Variants in CCDC85C observed in about 807,000 individuals in gnomAD.
CCDC85C encodes coiled-coil domain-containing protein 85C.
A neutral mutation model predicts 38.3 loss-of-function variants in CCDC85C; 18 were observed. The observed-to-expected ratio is 0.47, with a 90% CI of 0.33 to 0.70. The LOEUF is 0.70. Ranked by LOEUF, CCDC85C falls within the 30% of genes least tolerant of loss-of-function variation. The pLI is 0.03. For synonymous variants in CCDC85C, 264 were observed against 293.8 expected, an observed-to-expected ratio of 0.90 and a Z score of 1.04; for missense variants, 566 against 621.2, an observed-to-expected ratio of 0.91 and a Z score of 0.94.
In CCDC85C at chr14:99,502,484, C is replaced by G; in HGVS notation, c.*12762G>C. 1.4e-6 allele frequency: 2 copies of G among 1,444,254 alleles called. No individual in the cohort carries two copies. Among genetic ancestry groups the G allele is most frequent in the Middle Eastern group, 2.1e-4 (1 of 4,776 alleles). The allele number at this position is 1,444,254 out of a possible 1,614,324, so 89.5% of individuals were successfully genotyped here. On this transcript the variant is annotated 3_prime_UTR_variant, in exon 6 of 6. Transcript: ENST00000380243. ...ATTTTCCCAGATAGACATATGTGAG[C>G]AATATTTCAGAAGCATCATTAATTA...
chr14:99,514,937 A>G lies in CCDC85C; in HGVS notation c.*309T>C. On this transcript the variant is annotated 3_prime_UTR_variant, in exon 6 of 6. Transcript: ENST00000380243. Reference sequence around the variant, plus strand: ...GACAGTTCCCAGGCTGGATCTCAGAAGCAGCCTGCAGCCTCTTGCTCATGG... The same window carrying G: ...GACAGTTCCCAGGCTGGATCTCAGAGGCAGCCTGCAGCCTCTTGCTCATGG... 3.5e-6 allele frequency: 1 copy of G among 288,228 alleles called. No individual in the cohort carries two copies. The highest frequency in any genetic ancestry group is 6.7e-6 in the Non-Finnish European group (1 of 149,034). 17.9% of individuals were successfully genotyped at this position (288,228 alleles called of 1,614,324 possible). A position where few individuals can be genotyped will look rare whatever the true frequency, so the allele number is the denominator to read the frequency against.
At chr14:99,517,826 G>T (rs1897250220) in intron 3 of CCDC85C, among the ~76,000 whole-genome samples, 2 of 152,244 alleles carry the variant, frequency 1.3e-5, no homozygotes, top group Non-Finnish European at 2.9e-5. Context: ...AAGGGTCCAT[G>T]TGGCTGGGAA....
Position 99,551,179 on chromosome 14 carries a change from G to A in CCDC85C, c.794-15091C>T, listed in dbSNP as rs575440896. ...GAGGAGATGCCCTCCCAGCCCTAAC[G>A]GAGTCCTGGGGTGGGGTGAGGGTCA... On this transcript the variant is annotated intron_variant, in intron 1 of 5. Coordinates refer to ENST00000380243, the MANE Select transcript of CCDC85C (RefSeq NM_001144995.2). Among the ~76,000 whole-genome samples, 9 of 152,302 alleles carry A rather than the reference G, an allele frequency of 5.9e-5. No homozygotes were observed. In the South Asian group the frequency reaches 1.7e-3, roughly 28 times the overall value.
Position 99,604,054 on chromosome 14 carries a change from G to A in CCDC85C, c.-95C>T, listed in dbSNP as rs2055245473. 1.0e-6 allele frequency: 1 copy of A among 975,420 alleles called. No homozygotes were observed. The highest frequency in any genetic ancestry group is 1.2e-6 in the Non-Finnish European group (1 of 824,692). 60.4% of individuals were successfully genotyped at this position (975,420 alleles called of 1,614,324 possible). On this transcript the variant is annotated 5_prime_UTR_variant, in exon 1 of 6. Transcript: ENST00000380243. ...TGGGCCGGTCCGCGCGCGGGCGGGGGGCGGCCGGGGGCGCGTGCGGCCCGC... is the reference window on the plus strand; with the variant it reads ...TGGGCCGGTCCGCGCGCGGGCGGGGAGCGGCCGGGGGCGCGTGCGGCCCGC...
At chr14:99,580,451 G>A (rs1447686922) in intron 1 of CCDC85C, among the ~76,000 whole-genome samples, 1 of 140,674 alleles carries the variant, frequency 7.1e-6, no homozygotes, top group African/African-American at 2.6e-5. Context: ...CTGGAGACAT[G>A]AGGGACGTCC....
At chr14:99,570,182 T>C (rs914956900) in intron 1 of CCDC85C, among the ~76,000 whole-genome samples, 5 of 152,046 alleles carry the variant, frequency 3.3e-5, no homozygotes, top group Admixed American at 6.6e-5. Flanking sequence ...CCAGCCCTCA[T>C]TGCAGCCCTG....
In CCDC85C at chr14:99,510,269, G is replaced by A. The variant is rs1197869346; in HGVS notation, c.*4977C>T. On this transcript the variant is annotated 3_prime_UTR_variant, in exon 6 of 6. Transcript: ENST00000380243. ...CCCCTCCGGCCCACCCGGCCCCTGT[G>A]CACCAGCCACCGCCGCTGCCACACC... 9 of 1,482,344 alleles carry A rather than the reference G, an allele frequency of 6.1e-6. No homozygotes were observed. In the South Asian group the frequency reaches 1.1e-4, roughly 18 times the overall value. 91.8% of individuals were successfully genotyped at this position (1,482,344 alleles called of 1,614,324 possible).
Position 99,516,210 on chromosome 14 carries a change from G to A in CCDC85C, c.1148C>T (p.Ala383Val). ...CACGTTGCACATCTCGCGAACGATG[G>A]CCTTCTCCTTCTCACTCAGGTCCTC... Reference protein sequence around the residue: ...CEEDLSEKEKAIVREMCNVVW... With the variant: ...CEEDLSEKEKVIVREMCNVVW... The change falls in exon 5 of 6, where the codon GCC becomes GTC. Residue 383 changes from alanine (A) to valine (V), a missense_variant. Around this residue, in one of 3 missense-constraint regions of CCDC85C, gnomAD observed 286 missense variants for 276.4 expected, o/e 1.03. Transcript: ENST00000380243. The surrounding 1 kb of genome is among the most constrained non-coding windows in gnomAD (Gnocchi z 5.5). The A allele has an allele frequency of 6.4e-7, 1 of 1,551,262 alleles. No individual in the cohort carries two copies. The highest frequency in any genetic ancestry group is 8.7e-7 in the Non-Finnish European group (1 of 1,146,922).
chr14:99,528,880 G>A (rs894529963), intron 2 of CCDC85C, among the ~76,000 whole-genome samples: 1 of 152,194 alleles, frequency 6.6e-6, no homozygotes, highest in Admixed American at 6.5e-5. Flanking sequence ...AAGAGCTAAT[G>A]CATGCTGGGC....
At position 99,510,062 on chromosome 14, in the gene CCDC85C, GCTC is replaced by G; in HGVS notation, c.*5181_*5183del. ...CAGAGGAGGCGGGCAGCTGCTCCCT[GCTC>G]CTCTGTAAAGATGGCCCTGAAGGGC... On this transcript the variant is annotated 3_prime_UTR_variant, in exon 6 of 6. Coordinates refer to ENST00000380243, the MANE Select transcript of CCDC85C (RefSeq NM_001144995.2). The G allele has an allele frequency of 7.8e-7, 1 of 1,281,628 alleles. No homozygotes were observed. Among genetic ancestry groups the G allele is most frequent in the East Asian group, 2.5e-5 (1 of 39,674 alleles). The allele number at this position is 1,281,628 out of a possible 1,614,324, so 79.4% of individuals were successfully genotyped here.
intron 1 of CCDC85C, among the ~76,000 whole-genome samples, chr14:99,571,807 G>A (rs1207833462): frequency 6.6e-6 from 1 of 152,184 alleles, no homozygotes; most frequent in Non-Finnish European, 1.5e-5. Context: ...TGCCCCCTGT[G>A]ACAAGAGCCT....
chr14:99,535,857 G>C lies in CCDC85C; in HGVS notation c.867+158C>G, dbSNP rs1022924072. Among the ~76,000 whole-genome samples, 16 of 152,274 alleles carry C rather than the reference G, an allele frequency of 1.1e-4. No individual in the cohort carries two copies. The highest frequency in any genetic ancestry group is 2.1e-4 in the Non-Finnish European group (14 of 68,016). On this transcript the variant is annotated intron_variant, in intron 2 of 5. Coordinates refer to ENST00000380243, the MANE Select transcript of CCDC85C (RefSeq NM_001144995.2). The surrounding 1 kb of genome is among the most constrained non-coding windows in gnomAD (Gnocchi z 5.5). Reference sequence around the variant, plus strand: ...GGAAGCCCAGAGGTGTGGGAGCCAGGGTTAGGTCCCTGACCCCACTTTCCA... The same window carrying C: ...GGAAGCCCAGAGGTGTGGGAGCCAGCGTTAGGTCCCTGACCCCACTTTCCA...
intron 1 of CCDC85C, among the ~76,000 whole-genome samples, chr14:99,593,338 G>A (rs1048511320): frequency 5.9e-5 from 9 of 152,212 alleles, no homozygotes; most frequent in Non-Finnish European, 2.9e-5. Context: ...GAAATGGGTC[G>A]ACTCTTCTCC....
At chr14:99,581,737 C>T (rs528728908) in intron 1 of CCDC85C, among the ~76,000 whole-genome samples, 10 of 152,288 alleles carry the variant, frequency 6.6e-5, no homozygotes, top group South Asian at 2.1e-4. Flanking sequence ...TGAAAGGCCA[C>T]GAAGCAGGAT....
intron 1 of CCDC85C, among the ~76,000 whole-genome samples, chr14:99,589,100 C>G (rs2055056884): frequency 6.6e-6 from 1 of 152,080 alleles, no homozygotes; most frequent in Non-Finnish European, 1.5e-5. Context: ...GCAGTGTCAA[C>G]AGAGTAAGCC....
intron 1 of CCDC85C, among the ~76,000 whole-genome samples, chr14:99,554,596 C>G (rs535315968): frequency 1.3e-5 from 2 of 152,178 alleles, no homozygotes; most frequent in African/African-American, 4.8e-5. Context: ...ATGAGGACCC[C>G]GGTCAATGGG....
At chr14:99,538,621 T>C (rs561586923) in intron 1 of CCDC85C, among the ~76,000 whole-genome samples, 2 of 152,288 alleles carry the variant, frequency 1.3e-5, no homozygotes, top group South Asian at 4.1e-4. Flanking sequence ...TCCCACAGGG[T>C]GAGCGAGGAG....
Position 99,591,234 on chromosome 14 carries a change from G to A in CCDC85C, c.793+11933C>T, listed in dbSNP as rs920603218. 5.3e-5 allele frequency among the ~76,000 whole-genome samples: 8 copies of A among 152,220 alleles called. No homozygotes were observed. The South Asian group carries it at 6.2e-4, about 12-fold the overall frequency. ...CTCATTTCGAGAACAAGGTGCTGGCGGCTGGGAACCAGTTGGCTGGGTTCT... is the reference window on the plus strand; with the variant it reads ...CTCATTTCGAGAACAAGGTGCTGGCAGCTGGGAACCAGTTGGCTGGGTTCT... On this transcript the variant is annotated intron_variant, in intron 1 of 5. Coordinates refer to ENST00000380243, the MANE Select transcript of CCDC85C (RefSeq NM_001144995.2).
Position 99,572,986 on chromosome 14 carries a change from C to G in CCDC85C, c.793+30181G>C, listed in dbSNP as rs772834975. 1 of 373,296 alleles carries G rather than the reference C, an allele frequency of 2.7e-6. No individual in the cohort carries two copies. Among genetic ancestry groups the G allele is most frequent in the Non-Finnish European group, 5.3e-6 (1 of 188,906 alleles). The allele number at this position is 373,296 out of a possible 1,614,324, so 23.1% of individuals were successfully genotyped here. A position where few individuals can be genotyped will look rare whatever the true frequency, so the allele number is the denominator to read the frequency against. ...AGATAGGATGGCAGCAGCCTCAGAG[C>G]AGAAGGCACCCTGGTGACCGCAGGA... On this transcript the variant is annotated intron_variant, in intron 1 of 5. Coordinates refer to ENST00000380243, the MANE Select transcript of CCDC85C (RefSeq NM_001144995.2). The surrounding 1 kb of genome is among the most constrained non-coding windows in gnomAD (Gnocchi z 4.4).
Sources: allele counts gnomAD v4.1 joint callset (sites outside exome capture counted in the v4.1 genomes callset), GRCh38; gene constraint gnomAD v4.1.1; regional missense constraint gnomAD v4.1.1; non-coding constraint Gnocchi (gnomAD v3.1); transcripts MANE v1.5; gene names NCBI Gene and HGNC (gene_info 2026-07-23, HGNC 2026-07-21).